DOCK4: variants seen among roughly 807,000 people sequenced by gnomAD.
DOCK4 encodes dedicator of cytokinesis 4, also known as dedicator of cytokinesis protein 4.
Under a neutral mutation model 268.1 loss-of-function variants are expected in DOCK4, and 97 were observed. The observed-to-expected ratio is 0.36, with a 90% confidence interval of 0.31 to 0.43. The LOEUF (loss-of-function observed/expected upper bound fraction) is 0.43, where lower values mean the gene tolerates loss of function less well. Among genes scored for constraint, DOCK4 ranks in the 20% least tolerant of loss-of-function variants. DOCK4 has a pLI of 1.00. For synonymous variants in DOCK4, 954 were observed against 887.2 expected, an observed-to-expected ratio of 1.08 and a Z score of -1.34; for missense variants, 2,145 against 2,455.7, an observed-to-expected ratio of 0.87 and a Z score of 2.67.
At chr7:112,153,265 T>A in intron 1 of DOCK4, among the ~76,000 whole-genome samples, 1 of 152,206 alleles carries the variant, frequency 6.6e-6, no homozygotes, top group Admixed American at 6.5e-5. Context: ...AATGGTAATT[T>A]AAAATGCACA....
chr7:111,795,782 A>T (rs571468401), intron 30 of DOCK4, among the ~76,000 whole-genome samples: 1 of 152,310 alleles, frequency 6.6e-6, no homozygotes, highest in South Asian at 2.1e-4. Flanking sequence ...GATAAGGAAG[A>T]GATGGGAAGC....
intron 11 of DOCK4, among the ~76,000 whole-genome samples, chr7:111,935,837 C>T (rs1052676051): frequency 4.6e-5 from 7 of 152,288 alleles, no homozygotes; most frequent in South Asian, 2.1e-4. Flanking sequence ...CCACCTACCT[C>T]ATGACAGAAG....
rs140883588 is a variant in DOCK4, at chr7:112,018,143, CAAAAAAAAAAAAAA to C, written c.38-14026_38-14013del. On this transcript the variant is annotated intron_variant, in intron 1 of 52. Coordinates refer to ENST00000428084, the MANE Select transcript of DOCK4 (RefSeq NM_001363540.2). Reference sequence around the variant, plus strand: ...TGGGCAACACAGCAAGACTCCAGCTCAAAAAAAAAAAAAAAAAAAAAAAAAAAAAAAAAAAAACA... The same window carrying C: ...TGGGCAACACAGCAAGACTCCAGCTCAAAAAAAAAAAAAAAAAAAAAAACA... Among the ~76,000 whole-genome samples the C allele has an allele frequency of 7.7e-3, 159 of 20,628 alleles. 4 individuals carry two copies. Among genetic ancestry groups the C allele is most frequent in the African/African-American group, 0.026 (136 of 5,276 alleles). 13.5% of individuals were successfully genotyped at this position (20,628 alleles called of 152,430 possible).
chr7:111,970,162 T>C (rs1797593047), intron 8 of DOCK4, among the ~76,000 whole-genome samples: 1 of 151,760 alleles, frequency 6.6e-6, no homozygotes, highest in Admixed American at 6.6e-5. Context: ...CACTGGTGAG[T>C]AAAAATAGGT....
At chr7:112,066,181 C>T (rs1806911339) in intron 1 of DOCK4, among the ~76,000 whole-genome samples, 1 of 152,146 alleles carries the variant, frequency 6.6e-6, no homozygotes, top group Non-Finnish European at 1.5e-5. Context: ...CACCCTCACC[C>T]ACTGTGGGTG....
chr7:111,810,215 AGGCCGAGGCG>A (rs1304496502), intron 28 of DOCK4, among the ~76,000 whole-genome samples: 1 of 152,170 alleles, frequency 6.6e-6, no homozygotes, highest in Non-Finnish European at 1.5e-5. Flanking sequence ...GCACTTTGGG[AGGCCGAGGCG>A]GGTGGATCAC....
At chr7:112,197,640 T>C (rs1270718234) in intron 1 of DOCK4, among the ~76,000 whole-genome samples, 1 of 152,208 alleles carries the variant, frequency 6.6e-6, no homozygotes, top group African/African-American at 2.4e-5. Context: ...GAATCCTTTG[T>C]ACCCATATTA....
intron 16 of DOCK4, among the ~76,000 whole-genome samples, chr7:111,887,249 G>A (rs1417686582): frequency 6.6e-6 from 1 of 152,168 alleles, no homozygotes; most frequent in African/African-American, 2.4e-5. Context: ...CTCAGTTTTG[G>A]ATATGCTGAG....
chr7:111,778,330 T>C lies in DOCK4; in HGVS notation c.3625A>G (p.Ile1209Val). 1 of 1,612,976 alleles carries C rather than the reference T, an allele frequency of 6.2e-7. No homozygotes were observed. Among genetic ancestry groups the C allele is most frequent in the Non-Finnish European group, 8.5e-7 (1 of 1,179,156 alleles). ...TCATAGAGTTTGTGAATGTAGCGTATATACATCTCCTCCTTGTTCAGTTCA... is the reference window on the plus strand; with the variant it reads ...TCATAGAGTTTGTGAATGTAGCGTACATACATCTCCTCCTTGTTCAGTTCA... Reference protein sequence around the residue: ...KTELNKEEMYIRYIHKLYDLH... With the variant: ...KTELNKEEMYVRYIHKLYDLH... Residue 1209 changes from isoleucine to valine, a missense_variant, in exon 36 of 53, where the codon ATA (isoleucine) becomes GTA (valine). By Grantham distance (29) the Ile-to-Val change is conservative. Around this residue, in one of 2 missense-constraint regions of DOCK4, gnomAD observed 1,598 missense variants for 1,986.7 expected, o/e 0.80. Transcript: ENST00000428084.
At chr7:111,888,549 C>T (rs1237645846) in intron 16 of DOCK4, among the ~76,000 whole-genome samples, 1 of 151,836 alleles carries the variant, frequency 6.6e-6, no homozygotes, top group South Asian at 2.1e-4. Context: ...GGTAGAGAGG[C>T]AATACAGCCT....
Position 111,872,086 on chromosome 7 carries a change from T to C in DOCK4, c.1931A>G (p.His644Arg). 1.3e-6 allele frequency: 2 copies of C among 1,534,416 alleles called. No homozygotes were observed. Among genetic ancestry groups the C allele is most frequent in the Non-Finnish European group, 1.8e-6 (2 of 1,141,982 alleles). ...GCTATCTTGCAGCAAATTTATTATG[T>C]GAACCTAAAAAAAGAAAATTGAGCT... Reference protein sequence around the residue: ...YGSKVFDSLVHIINLLQDSKF... With the variant: ...YGSKVFDSLVRIINLLQDSKF... Residue 644 changes from histidine (H) to arginine (R), a missense_variant, in exon 20 of 53, where the codon CAC becomes CGC. Coordinates refer to ENST00000428084, the MANE Select transcript of DOCK4 (RefSeq NM_001363540.2).
At chr7:111,746,755 G>A (rs1796295380) in intron 43 of DOCK4, among the ~76,000 whole-genome samples, 1 of 148,720 alleles carries the variant, frequency 6.7e-6, no homozygotes, top group South Asian at 2.2e-4. Context: ...ATATCTTTCT[G>A]TTTAAGAGAG....
intron 1 of DOCK4, among the ~76,000 whole-genome samples, chr7:112,134,315 T>C (rs143395685): frequency 2.6e-5 from 4 of 152,272 alleles, no homozygotes; most frequent in East Asian, 1.9e-4. Context: ...AAAAACCCTA[T>C]ACATCTCAAT....
intron 1 of DOCK4, among the ~76,000 whole-genome samples, chr7:112,093,492 C>T (rs1426921611): frequency 1.3e-5 from 2 of 152,042 alleles, no homozygotes; most frequent in Admixed American, 6.5e-5. Flanking sequence ...CACTGGAGTC[C>T]AGTCATGAAC....
intron 35 of DOCK4, among the ~76,000 whole-genome samples, chr7:111,782,304 T>C (rs1250051499): frequency 6.6e-6 from 1 of 152,196 alleles, no homozygotes; most frequent in African/African-American, 2.4e-5. Flanking sequence ...ATGTCCTGCT[T>C]GGTCATCCTA....
chr7:111,808,583 T>G, intron 30 of DOCK4: 1 of 440,194 alleles, frequency 2.3e-6, no homozygotes, highest in Non-Finnish European at 4.1e-6. Flanking sequence ...ATTATAAAAT[T>G]TATCGTTAAT....
intron 27 of DOCK4, among the ~76,000 whole-genome samples, chr7:111,813,824 A>G (rs1433056007): frequency 6.6e-6 from 1 of 152,244 alleles, no homozygotes; most frequent in Non-Finnish European, 1.5e-5. Flanking sequence ...AAGTTTTACT[A>G]TATGAAACTG....
intron 27 of DOCK4, among the ~76,000 whole-genome samples, chr7:111,818,305 C>T (rs1355790660): frequency 6.6e-6 from 1 of 152,212 alleles, no homozygotes; most frequent in Non-Finnish European, 1.5e-5. Flanking sequence ...TCCATGCAAG[C>T]ATGTCTAGCT....
intron 17 of DOCK4, among the ~76,000 whole-genome samples, chr7:111,873,417 G>C (rs1249202960): frequency 6.6e-6 from 1 of 152,214 alleles, no homozygotes; most frequent in Non-Finnish European, 1.5e-5. Context: ...AGAACTGAAG[G>C]CTCGCGTGTG....
Sources: allele counts gnomAD v4.1 joint callset (sites outside exome capture counted in the v4.1 genomes callset), GRCh38; gene constraint gnomAD v4.1.1; regional missense constraint gnomAD v4.1.1; transcripts MANE v1.5; gene names NCBI Gene and HGNC (gene_info 2026-07-23, HGNC 2026-07-21).